The following CHD6 variants were observed in gnomAD, a reference collection of about 807,000 sequenced individuals.
CHD6 encodes ATP-dependent chromatin remodeler CHD6.
Under a neutral mutation model 276.9 loss-of-function variants are expected in CHD6, and 50 were observed. The observed-to-expected ratio is 0.18, with a 90% CI of 0.14 to 0.23. The LOEUF (loss-of-function observed/expected upper bound fraction) is 0.23. Among genes scored for constraint, CHD6 ranks in the 10% least tolerant of loss-of-function variants. The probability of loss-of-function intolerance (pLI) is 1.00; values close to 1 mark genes in which losing one functional copy is unlikely to be tolerated. For missense variants in CHD6, 2,564 were observed against 3,365.8 expected (o/e 0.76, Z 5.89); for synonymous variants, 1,173 against 1,229.3 (o/e 0.95, Z 0.96).
chr20:41,411,440 C>T (rs1600791914), intron 36 of CHD6, among the ~76,000 whole-genome samples: 1 of 151,864 alleles, frequency 6.6e-6, no homozygotes, highest in Non-Finnish European at 1.5e-5. Flanking sequence ...AGGCAAAAGT[C>T]CCCATGAGCA....
rs1293690720 is a variant in CHD6 at position 41,425,159 on chromosome 20, T to G, written c.4346+19A>C. The G allele has an allele frequency of 6.2e-7, 1 of 1,608,798 alleles. No individual in the cohort carries two copies. On this transcript the variant is annotated intron_variant, in intron 29 of 36. Coordinates refer to ENST00000373233, the MANE Select transcript of CHD6 (RefSeq NM_032221.5). Reference sequence around the variant, plus strand: ...CCCAGTGGGTGGCTGAGCATGCCCCTTTGGCCACTGGCTTTTACCTCTTTT... The same window carrying G: ...CCCAGTGGGTGGCTGAGCATGCCCCGTTGGCCACTGGCTTTTACCTCTTTT...
chr20:41,453,276 A>G (rs888210343), intron 20 of CHD6, among the ~76,000 whole-genome samples: 1 of 152,184 alleles, frequency 6.6e-6, no homozygotes, highest in African/African-American at 2.4e-5. Flanking sequence ...AGACTGGAGT[A>G]GTGAAGACCC....
chr20:41,524,542 G>T (rs1456490908), intron 3 of CHD6, among the ~76,000 whole-genome samples: 1 of 152,156 alleles, frequency 6.6e-6, no homozygotes, highest in Non-Finnish European at 1.5e-5. Context: ...TAAAAATTCA[G>T]AAAGTATAGA....
At chr20:41,532,510 TG>T (rs1310488378) in intron 3 of CHD6, among the ~76,000 whole-genome samples, 2 of 152,218 alleles carry the variant, frequency 1.3e-5, no homozygotes, top group Non-Finnish European at 2.9e-5. Flanking sequence ...GTATCACACC[TG>T]GGATGTCACT....
rs375827008 is a variant in CHD6, at chr20:41,423,623, G to T, written c.4424C>A (p.Thr1475Asn). 1.7e-4 allele frequency: 279 copies of T among 1,614,202 alleles called. 1 individual carries two copies. The highest frequency in any genetic ancestry group is 2.2e-4 in the South Asian group (20 of 91,084). ...GATGCGGAACTGTGTCCAGTCAAAG[G>T]TTTTCTTTTCTTGATCGTAAACAAC... ...FGVVYDQEKK[T>N]FDWTQFRIIS... is the part of the protein sequence containing the mutation. The change falls in exon 30 of 37, where the codon ACC (threonine) becomes AAC (asparagine). Residue 1475 changes from threonine (T) to asparagine (N), a missense_variant. Physicochemically the swap from Thr to Asn is moderately conservative, Grantham distance 65. This residue lies in a region of CHD6 where 515 missense variants were observed against 739.5 expected (regional missense o/e 0.70). Coordinates refer to ENST00000373233, the MANE Select transcript of CHD6 (RefSeq NM_032221.5).
intron 1 of CHD6, among the ~76,000 whole-genome samples, chr20:41,607,493 A>T (rs963274697): frequency 6.6e-6 from 1 of 152,240 alleles, no homozygotes; most frequent in Admixed American, 6.5e-5. Context: ...TGCTAAATAA[A>T]TGGGCATCAC....
Position 41,563,264 on chromosome 20 carries a change from C to G in CHD6, c.-23-11904G>C, listed in dbSNP as rs148933380. Among the ~76,000 whole-genome samples, 126 of 152,290 alleles carry G rather than the reference C, an allele frequency of 8.3e-4. 1 individual carries two copies. The highest frequency in any genetic ancestry group is 2.9e-3 in the African/African-American group (121 of 41,564). ...GTATTAGGAAAGCCCATTCTGAGAA[C>G]CTTCCTGTGGGCCAGCTGCTGAATA... On this transcript the variant is annotated intron_variant, in intron 1 of 36. Coordinates refer to ENST00000373233, the MANE Select transcript of CHD6 (RefSeq NM_032221.5).
At position 41,402,378 on chromosome 20, in the gene CHD6, T is replaced by TA. The variant is rs1240132869; in HGVS notation, c.*2214dup. 4.4e-6 allele frequency: 1 copy of TA among 229,198 alleles called. No homozygotes were observed. Among genetic ancestry groups the TA allele is most frequent in the African/African-American group, 2.2e-5 (1 of 45,118 alleles). 14.2% of individuals were successfully genotyped at this position (229,198 alleles called of 1,614,324 possible). On this transcript the variant is annotated 3_prime_UTR_variant, in exon 37 of 37. Coordinates refer to ENST00000373233, the MANE Select transcript of CHD6 (RefSeq NM_032221.5). ...ATAGAAGCCTGAACACCCAGAGAGTTAACATACAGATTCCATAAGGATAAC... is the reference window on the plus strand; with the variant it reads ...ATAGAAGCCTGAACACCCAGAGAGTTAAACATACAGATTCCATAAGGATAAC...
chr20:41,404,402 A>G lies in CHD6; in HGVS notation c.*191T>C. On this transcript the variant is annotated 3_prime_UTR_variant, in exon 37 of 37. Coordinates refer to ENST00000373233, the MANE Select transcript of CHD6 (RefSeq NM_032221.5). ...CTGTGCCTCCTAGACTAGGTAGACAACACTTATCTAATGAAGTGGTGAGAC... is the reference window on the plus strand; with the variant it reads ...CTGTGCCTCCTAGACTAGGTAGACAGCACTTATCTAATGAAGTGGTGAGAC... 1 of 1,290,738 alleles carries G rather than the reference A, an allele frequency of 7.7e-7. No individual in the cohort carries two copies. The highest frequency in any genetic ancestry group is 9.8e-7 in the Non-Finnish European group (1 of 1,021,570). 80.0% of individuals were successfully genotyped at this position (1,290,738 alleles called of 1,614,324 possible). A position where few individuals can be genotyped will look rare whatever the true frequency, so the allele number is the denominator to read the frequency against.
intron 3 of CHD6, among the ~76,000 whole-genome samples, chr20:41,523,709 C>T (rs1378467700): frequency 6.6e-6 from 1 of 151,096 alleles, no homozygotes; most frequent in Non-Finnish European, 1.5e-5. Context: ...ACTAGGATTT[C>T]TCAAACTTTC....
intron 1 of CHD6, among the ~76,000 whole-genome samples, chr20:41,557,279 G>T (rs949868981): frequency 1.3e-5 from 2 of 152,166 alleles, no homozygotes; most frequent in East Asian, 3.8e-4. Context: ...TTCACAAGAA[G>T]GTAAGCTGCT....
chr20:41,483,952 A>T (rs2043353885), intron 15 of CHD6, among the ~76,000 whole-genome samples: 1 of 152,234 alleles, frequency 6.6e-6, no homozygotes, highest in Non-Finnish European at 1.5e-5. Flanking sequence ...TTAACTGTTA[A>T]TTTGTCTACA....
intron 1 of CHD6, among the ~76,000 whole-genome samples, chr20:41,555,480 G>A (rs1367238522): frequency 1.3e-5 from 2 of 151,540 alleles, no homozygotes; most frequent in African/African-American, 2.4e-5. Context: ...CAGACAGGGC[G>A]GCTGCCGGGC....
intron 6 of CHD6, 49 bp downstream of exon 6, chr20:41,499,246 G>A (rs1467611107): frequency 2.1e-6 from 3 of 1,406,364 alleles, no homozygotes; most frequent in Non-Finnish European, 2.9e-6. Context: ...CTTCACAGAA[G>A]ATGTAATCTG....
At chr20:41,437,135 T>A in intron 27 of CHD6, 139 bp downstream of exon 27, 1 of 603,454 alleles carries the variant, frequency 1.7e-6, no homozygotes, top group East Asian at 2.8e-5. Flanking sequence ...GTATTTTAAG[T>A]TTTTATAATA....
intron 2 of CHD6, among the ~76,000 whole-genome samples, chr20:41,541,165 G>C (rs957113956): frequency 2.0e-5 from 3 of 152,138 alleles, no homozygotes; most frequent in Admixed American, 1.3e-4. Context: ...ATGTCTGTCC[G>C]ATTGTGCATT....
At chr20:41,507,302 T>C (rs1417797890) in intron 5 of CHD6, among the ~76,000 whole-genome samples, 2 of 152,152 alleles carry the variant, frequency 1.3e-5, no homozygotes, top group African/African-American at 4.8e-5. Flanking sequence ...GCACAGGACT[T>C]TGAATACTAA....
At chr20:41,593,846 G>C (rs1217149831) in intron 1 of CHD6, among the ~76,000 whole-genome samples, 1 of 152,162 alleles carries the variant, frequency 6.6e-6, no homozygotes, top group Non-Finnish European at 1.5e-5. Context: ...GCGAAGAGAA[G>C]AAAGAAACCG....
At chr20:41,593,279 T>C (rs1311581898) in intron 1 of CHD6, among the ~76,000 whole-genome samples, 4 of 151,886 alleles carry the variant, frequency 2.6e-5, no homozygotes, top group African/African-American at 9.7e-5. Context: ...ATAAAAGTTA[T>C]GAAATTATCT....
Sources: gnomAD v4.1 joint callset for allele counts (sites outside exome capture counted in the v4.1 genomes callset) on GRCh38, gnomAD v4.1.1 for gene constraint, gnomAD v4.1.1 regional missense constraint, MANE v1.5 for transcripts, NCBI Gene and HGNC (gene_info 2026-07-23, HGNC 2026-07-21) for gene names.